CTTNBP2: variants seen among roughly 807,000 people sequenced by gnomAD.
CTTNBP2 encodes the protein cortactin binding protein 2.
CTTNBP2 carries 108 observed loss-of-function variants against 156.9 expected under a neutral mutation model. The ratio of observed to expected loss-of-function variants is 0.69; its 90% CI spans 0.59 to 0.81. The LOEUF (loss-of-function observed/expected upper bound fraction) is 0.81, where lower values mean the gene tolerates loss of function less well. Among genes scored for constraint, CTTNBP2 ranks in the 30% least tolerant of loss-of-function variants. CTTNBP2 has a pLI of 0.00. For missense variants in CTTNBP2, 1,924 were observed against 2,035.4 expected (o/e 0.95, Z 1.05); for synonymous variants, 767 against 751.8 (o/e 1.02, Z -0.33).
intron 2 of CTTNBP2, among the ~76,000 whole-genome samples, chr7:117,824,149 T>C (rs1238608936): frequency 6.6e-6 from 1 of 150,628 alleles, no homozygotes; most frequent in Non-Finnish European, 1.5e-5. Context: ...TGAGGTCAGG[T>C]AGATTTTTCT....
chr7:117,817,069 G>A (rs1377359595), intron 2 of CTTNBP2, among the ~76,000 whole-genome samples: 1 of 151,736 alleles, frequency 6.6e-6, no homozygotes, highest in Admixed American at 6.6e-5. Flanking sequence ...CGGGTGTGGT[G>A]GCTCACACCT....
chr7:117,727,033 A>G (rs1037917951), intron 17 of CTTNBP2, among the ~76,000 whole-genome samples: 2 of 152,192 alleles, frequency 1.3e-5, no homozygotes, highest in Admixed American at 1.3e-4. Context: ...TGGATGTAAA[A>G]AAGACTTTAA....
intron 1 of CTTNBP2, among the ~76,000 whole-genome samples, chr7:117,864,684 A>ATTCATACATCTAGATG (rs1804003697): frequency 9.2e-6 from 1 of 108,764 alleles, no homozygotes; most frequent in Non-Finnish European, 2.1e-5. Flanking sequence ...ATATTTATAT[A>ATTCATACATCTAGATG]TATTCATATA....
intron 22 of CTTNBP2, among the ~76,000 whole-genome samples, 161 bp from the exon 23 acceptor site, chr7:117,711,943 T>C (rs951996083): frequency 3.3e-5 from 5 of 152,194 alleles, no homozygotes; most frequent in Non-Finnish European, 7.4e-5. Context: ...GAGTAATTAA[T>C]TTCCTATAGA....
chr7:117,838,976 G>C (rs998004300), intron 2 of CTTNBP2, among the ~76,000 whole-genome samples: 9 of 99,910 alleles, frequency 9.0e-5, no homozygotes, highest in Non-Finnish European at 1.7e-4. Flanking sequence ...GCGGGGGGGG[G>C]GCTTTTAAAA....
At chr7:117,727,972 CT>C (rs1584904915) in intron 17 of CTTNBP2, 116 bp downstream of exon 17, 3 of 886,700 alleles carry the variant, frequency 3.4e-6, no homozygotes, top group Non-Finnish European at 5.3e-6. Flanking sequence ...AGCACTGGCA[CT>C]CCGTGTCAGT....
intron 14 of CTTNBP2, among the ~76,000 whole-genome samples, chr7:117,742,704 G>T (rs1429198926): frequency 2.0e-5 from 3 of 152,208 alleles, no homozygotes; most frequent in Admixed American, 2.0e-4. Context: ...ACTGTGGGAC[G>T]AGGGTGAGGG....
In CTTNBP2 at chr7:117,710,798, A is replaced by G. The variant is rs1794016070; in HGVS notation, c.*739T>C. On this transcript the variant is annotated 3_prime_UTR_variant, in exon 23 of 23. Coordinates refer to ENST00000160373, the MANE Select transcript of CTTNBP2 (RefSeq NM_033427.3). ...GAAATATTGAAGGAGTTAATTCTGA[A>G]TTTATTCATTTATGCAGTTATCTAT... The G allele has an allele frequency of 1.3e-5, 2 of 152,578 alleles. No homozygotes were observed. 9.5% of individuals were successfully genotyped at this position (152,578 alleles called of 1,614,324 possible).
chr7:117,871,844 T>TCGCACACACACACACACACACA (rs145490307), intron 1 of CTTNBP2: 1 of 298,196 alleles, frequency 3.4e-6, no homozygotes, highest in South Asian at 2.2e-4. Flanking sequence ...TCCTTCCCCT[T>TCGCACACACACACACACACACA]CACACACACA....
intron 16 of CTTNBP2, among the ~76,000 whole-genome samples, chr7:117,734,087 C>A (rs550265934): frequency 6.6e-6 from 1 of 152,328 alleles, no homozygotes; most frequent in African/African-American, 2.4e-5. Flanking sequence ...GGGCACACTG[C>A]AGTCTTGACG....
At position 117,791,686 on chromosome 7, in the gene CTTNBP2, C is replaced by A. The variant is rs1477401246; in HGVS notation, c.1510G>T (p.Ala504Ser). The change falls in exon 4 of 23, where the codon GCA becomes TCA. Residue 504 changes from alanine (A) to serine (S), a missense_variant. By Grantham distance (99) the Ala-to-Ser change is moderately conservative (BLOSUM62 1). Coordinates refer to ENST00000160373, the MANE Select transcript of CTTNBP2 (RefSeq NM_033427.3). ...ACTCCAGGCCTTGAGGGAGCACCTGCTTGAGGGCTTGTAAATCTTGACAGT... is the reference window on the plus strand; with the variant it reads ...ACTCCAGGCCTTGAGGGAGCACCTGATTGAGGGCTTGTAAATCTTGACAGT... ...QALSRFTSPQ[A>S]GAPSRPGVPP... 4 of 1,614,156 alleles carry A rather than the reference C, an allele frequency of 2.5e-6. No individual in the cohort carries two copies. Among genetic ancestry groups the A allele is most frequent in the Non-Finnish European group, 3.4e-6 (4 of 1,180,020 alleles).
At chr7:117,819,834 G>A (rs1800848135) in intron 2 of CTTNBP2, among the ~76,000 whole-genome samples, 1 of 152,142 alleles carries the variant, frequency 6.6e-6, no homozygotes, top group Admixed American at 6.5e-5. Flanking sequence ...GTCATGCCAG[G>A]AATATACATA....
rs1802583501 is a variant in CTTNBP2 at position 117,846,303 on chromosome 7, A to C, written c.189+14906T>G. ...GATTTATTAATACTAGAAACACTAA[A>C]AATAGTTAAAATGCTTGATAAAAAA... On this transcript the variant is annotated intron_variant, in intron 2 of 22. Transcript: ENST00000160373. Among the ~76,000 whole-genome samples the C allele has an allele frequency of 2.0e-5, 3 of 152,298 alleles. No homozygotes were observed. The South Asian group carries it at 6.2e-4, about 32-fold the overall frequency.
intron 1 of CTTNBP2, chr7:117,872,008 CA>C (rs1804641918): frequency 2.1e-6 from 2 of 969,332 alleles, no homozygotes; most frequent in Non-Finnish European, 2.5e-6. Flanking sequence ...AGCTGATTCA[CA>C]TAAGTGGGCA....
chr7:117,836,488 C>CG (rs1219582885), intron 2 of CTTNBP2, among the ~76,000 whole-genome samples: 107 of 152,246 alleles, frequency 7.0e-4, no homozygotes, highest in Non-Finnish European at 2.4e-4. Context: ...GGCATGAACC[C>CG]AGAGGCGGAG....
At chr7:117,715,543 T>C (rs1407521276) in intron 22 of CTTNBP2, among the ~76,000 whole-genome samples, 1 of 151,510 alleles carries the variant, frequency 6.6e-6, no homozygotes, top group African/African-American at 2.4e-5. Flanking sequence ...AACTTGTCCT[T>C]TCAGAGGATT....
At chr7:117,757,996 G>A in intron 10 of CTTNBP2, 26 bp from the exon 11 acceptor site, 2 of 1,561,986 alleles carry the variant, frequency 1.3e-6, no homozygotes, top group Non-Finnish European at 1.8e-6. Flanking sequence ...GAAATAAAAT[G>A]TCAAGGGAAG....
chr7:117,869,474 A>C (rs1425085315), intron 1 of CTTNBP2, among the ~76,000 whole-genome samples: 2 of 152,166 alleles, frequency 1.3e-5, no homozygotes, highest in Non-Finnish European at 2.9e-5. Context: ...TTCTTTTACA[A>C]ACTTCACACA....
intron 2 of CTTNBP2, among the ~76,000 whole-genome samples, chr7:117,839,282 G>A (rs1236444464): frequency 6.6e-6 from 1 of 152,172 alleles, no homozygotes; most frequent in Admixed American, 6.5e-5. Context: ...TGACAATCAT[G>A]TTAAGATAGC....
Sources: gnomAD v4.1 joint callset for allele counts (sites outside exome capture counted in the v4.1 genomes callset) on GRCh38, gnomAD v4.1.1 for gene constraint, MANE v1.5 for transcripts, NCBI Gene and HGNC (gene_info 2026-07-23, HGNC 2026-07-21) for gene names.